The following PPFIA4 variants were observed in gnomAD, a reference collection of about 807,000 sequenced individuals.
PPFIA4 encodes PPFI scaffold protein A4, also known as liprin-alpha-4.
Under a neutral mutation model 145.7 loss-of-function variants are expected in PPFIA4, and 98 were observed. The ratio of observed to expected loss-of-function variants is 0.67; its 90% CI spans 0.57 to 0.80. The LOEUF (loss-of-function observed/expected upper bound fraction) is 0.80, where lower values mean the gene tolerates loss of function less well. Among genes scored for constraint, PPFIA4 ranks in the 30% least tolerant of loss-of-function variants. The probability of loss-of-function intolerance (pLI) is 0.00; values close to 1 mark genes in which losing one functional copy is unlikely to be tolerated. For synonymous variants in PPFIA4, 628 were observed against 649.6 expected (o/e 0.97, Z 0.51); for missense variants, 1,457 against 1,632.7 (o/e 0.89, Z 1.85).
At chr1:203,059,059 T>A in intron 19 of PPFIA4, 119 bp from the exon 20 acceptor site, 2 of 733,272 alleles carry the variant, frequency 2.7e-6, no homozygotes, top group Admixed American at 2.5e-5. Flanking sequence ...AATGGTCCCG[T>A]CAGGCCATGG....
At chr1:203,070,950 T>A (rs1351657637) in intron 27 of PPFIA4, among the ~76,000 whole-genome samples, 5 of 126,918 alleles carry the variant, frequency 3.9e-5, no homozygotes, top group Non-Finnish European at 1.7e-5. Flanking sequence ...TGATCCCACT[T>A]TTTTGTTTTT....
chr1:203,047,645 G>A (rs1660180829), intron 9 of PPFIA4, among the ~76,000 whole-genome samples: 1 of 152,192 alleles, frequency 6.6e-6, no homozygotes. Context: ...GTAACCATGC[G>A]GGGCTAACAT....
Position 203,055,725 on chromosome 1 carries a change from A to G in PPFIA4, c.2070+53A>G. The G allele has an allele frequency of 6.2e-7, 1 of 1,604,226 alleles. No individual in the cohort carries two copies. The highest frequency in any genetic ancestry group is 8.5e-7 in the Non-Finnish European group (1 of 1,173,308). Reference sequence around the variant, plus strand: ...GCATCACTGGACCCTGCACCGGGGGAGGTTTTAAGGGATGGTAGGACTCAC... The same window carrying G: ...GCATCACTGGACCCTGCACCGGGGGGGGTTTTAAGGGATGGTAGGACTCAC... On this transcript the variant is annotated intron_variant, in intron 16 of 29. Coordinates refer to ENST00000295706, the MANE Select transcript of PPFIA4 (RefSeq NM_001304331.2). This position sits in a 1 kb window ranked among gnomAD's most constrained non-coding sequence, Gnocchi z 4.8.
At chr1:203,067,541 A>C in intron 25 of PPFIA4, 154 bp from the exon 26 acceptor site, 1 of 647,796 alleles carries the variant, frequency 1.5e-6, no homozygotes, top group South Asian at 1.8e-5. Flanking sequence ...GTCGCAGGCA[A>C]GGCCCTGGGG....
intron 1 of PPFIA4, chr1:203,035,731 AGAAGGAGCTG>A: frequency 2.2e-6 from 1 of 448,536 alleles, no homozygotes; most frequent in Middle Eastern, 3.5e-4. Context: ...CCCTGGAGCC[AGAAGGAGCTG>A]GAAGGAGCCA....
At chr1:203,067,909 A>C (rs1661846663) in intron 26 of PPFIA4, 117 bp downstream of exon 26, 1 of 863,136 alleles carries the variant, frequency 1.2e-6, no homozygotes. Context: ...CTGAAAAGGA[A>C]GATGCAGCCT....
rs34987795 is a variant in PPFIA4 at position 203,062,479 on chromosome 1, C to CAAA, written c.2874+826_2874+828dup. ...TGGGTGACAGAGCAAGACTCCGTCT[C>CAAA]AAAAAAAAAAAAAAAAAAAAAAAAA... On this transcript the variant is annotated intron_variant, in intron 24 of 29. Coordinates refer to ENST00000295706, the MANE Select transcript of PPFIA4 (RefSeq NM_001304331.2). Among the ~76,000 whole-genome samples, 10 of 35,386 alleles carry CAAA rather than the reference C, an allele frequency of 2.8e-4. 1 individual carries two copies. Among genetic ancestry groups the CAAA allele is most frequent in the East Asian group, 9.2e-4 (1 of 1,082 alleles). 23.2% of individuals were successfully genotyped at this position (35,386 alleles called of 152,430 possible). A position where few individuals can be genotyped will look rare whatever the true frequency, so the allele number is the denominator to read the frequency against.
intron 14 of PPFIA4, 76 bp downstream of exon 14, chr1:203,051,953 G>C (rs1429015537): frequency 4.0e-6 from 6 of 1,498,006 alleles, no homozygotes; most frequent in Admixed American, 2.0e-5. Flanking sequence ...TACGCAGACG[G>C]CTGGTGTGTG....
intron 27 of PPFIA4, 113 bp from the exon 28 acceptor site, chr1:203,071,579 C>A: frequency 1.2e-6 from 1 of 801,570 alleles, no homozygotes; most frequent in Non-Finnish European, 2.1e-6. Context: ...GGGCTAAATG[C>A]ACTGGAGCCT....
chr1:203,076,060 A>T (rs903366), intron 29 of PPFIA4: 208,778 of 583,008 alleles, frequency 0.36, 38,253 homozygotes, highest in Non-Finnish European at 0.37. Flanking sequence ...CTGACGGGGG[A>T]GTGCCCGTGG....
Position 203,068,411 on chromosome 1 carries a change from C to T in PPFIA4, c.3149-42C>T, listed in dbSNP as rs779282772. On this transcript the variant is annotated intron_variant, in intron 26 of 29. Transcript: ENST00000295706. This position sits in a 1 kb window ranked among gnomAD's most constrained non-coding sequence, Gnocchi z 4.7. ...TGTCCTTGGAGGGCCCTTGATGAAA[C>T]GTAGTATCTCCTTCCGTCCCTTTTC... The T allele has an allele frequency of 4.6e-6, 7 of 1,517,490 alleles. No individual in the cohort carries two copies. The highest frequency in any genetic ancestry group is 2.8e-5 in the African/African-American group (2 of 70,334). 94.0% of individuals were successfully genotyped at this position (1,517,490 alleles called of 1,614,324 possible). A position where few individuals can be genotyped will look rare whatever the true frequency, so the allele number is the denominator to read the frequency against.
rs768268628 is a variant in PPFIA4, at chr1:203,048,723, A to C, written c.1356+9A>C. On this transcript the variant is annotated intron_variant, in intron 11 of 29. Coordinates refer to ENST00000295706, the MANE Select transcript of PPFIA4 (RefSeq NM_001304331.2). This position sits in a 1 kb window ranked among gnomAD's most constrained non-coding sequence, Gnocchi z 5.8. The stretch of plus-strand genomic sequence containing the variant: ...CTGCCCTGGAGGAGAAGGTGCCCAG[A>C]GGGGCGGGGTTGGGATGCGAGAGGT... 6.6e-6 allele frequency: 8 copies of C among 1,207,650 alleles called. No individual in the cohort carries two copies. The highest frequency in any genetic ancestry group is 2.9e-5 in the Admixed American group (1 of 34,864). The allele number at this position is 1,207,650 out of a possible 1,614,324, so 74.8% of individuals were successfully genotyped here.
intron 25 of PPFIA4, among the ~76,000 whole-genome samples, chr1:203,065,517 G>A (rs1269420734): frequency 2.6e-5 from 4 of 151,984 alleles, no homozygotes; most frequent in Non-Finnish European, 5.9e-5. Context: ...AATCCTCCCC[G>A]CAACCCCTCT....
chr1:203,063,989 G>A lies in PPFIA4; in HGVS notation c.3036G>A (p.Val1012=). ...ACCTGCGGGTCCACCTGAAGATGGT[G>A]GACAGCTTCCATCGGTGAGCGCGGC... ...KKDLRVHLKM[V]DSFHRTSLQY... is the part of the protein sequence containing the mutation. Residue 1012 remains valine, a synonymous_variant, in exon 25 of 30, where the codon GTG becomes GTA. Transcript: ENST00000295706. 2 of 1,613,376 alleles carry A rather than the reference G, an allele frequency of 1.2e-6. No homozygotes were observed. Among genetic ancestry groups the A allele is most frequent in the South Asian group, 1.1e-5 (1 of 91,046 alleles).
chr1:203,051,193 G>A, intron 13 of PPFIA4: 1 of 985,400 alleles, frequency 1.0e-6, no homozygotes, highest in Non-Finnish European at 1.2e-6. Flanking sequence ...ATTTTCTCTG[G>A]CTTGTGTTTC....
At chr1:203,035,265 G>T in intron 1 of PPFIA4, 1 of 456,602 alleles carries the variant, frequency 2.2e-6, no homozygotes, top group Non-Finnish European at 4.4e-6. Context: ...TGTGGTCTCC[G>T]CAGGGGCTGG....
rs946749746 is a variant in PPFIA4 at position 203,056,939 on chromosome 1, C to T, written c.2396C>T (p.Ala799Val). 1.7e-5 allele frequency: 28 copies of T among 1,613,904 alleles called. No homozygotes were observed. Among genetic ancestry groups the T allele is most frequent in the Non-Finnish European group, 2.3e-5 (27 of 1,179,894 alleles). Residue 799 changes from alanine (A) to valine (V), a missense_variant, in exon 19 of 30, where the codon GCC (alanine) becomes GTC (valine). This residue lies in a region of PPFIA4 where 848 missense variants were observed against 1,046.7 expected (regional missense o/e 0.81). Coordinates refer to ENST00000295706, the MANE Select transcript of PPFIA4 (RefSeq NM_001304331.2). ...CTGATCCAGCTGAGTCGGGATGGAG[C>T]CACAGGCCATGGTCTCTGTCCCCTT... Reference protein sequence around the residue: ...GRLIQLSRDGATGHVLLTDSE... With the variant: ...GRLIQLSRDGVTGHVLLTDSE...
chr1:203,056,913 G>A lies in PPFIA4; in HGVS notation c.2370G>A (p.Arg790=), dbSNP rs781454458. 2 of 1,613,948 alleles carry A rather than the reference G, an allele frequency of 1.2e-6. No homozygotes were observed. Among genetic ancestry groups the A allele is most frequent in the African/African-American group, 2.7e-5 (2 of 74,948 alleles). ...TGTTTGGGAAGAAGGAGAAGGGCAG[G>A]CTGATCCAGCTGAGTCGGGATGGAG... is the stretch of plus-strand genomic sequence containing the variant. ...GRLFGKKEKG[R]LIQLSRDGAT... The change falls in exon 19 of 30, where the codon AGG becomes AGA. Residue 790 remains arginine, a synonymous_variant. Coordinates refer to ENST00000295706, the MANE Select transcript of PPFIA4 (RefSeq NM_001304331.2).
intron 1 of PPFIA4, among the ~76,000 whole-genome samples, chr1:203,031,823 C>T (rs1448170943): frequency 6.6e-6 from 1 of 152,230 alleles, no homozygotes; most frequent in Non-Finnish European, 1.5e-5. Context: ...CTCTGATTAG[C>T]AGAAGATGTC....
Sources: allele counts gnomAD v4.1 joint callset (sites outside exome capture counted in the v4.1 genomes callset), GRCh38; gene constraint gnomAD v4.1.1; regional missense constraint gnomAD v4.1.1; non-coding constraint Gnocchi (gnomAD v3.1); transcripts MANE v1.5; gene names NCBI Gene and HGNC (gene_info 2026-07-23, HGNC 2026-07-21).